The following PATL1 variants were observed in gnomAD, a reference collection of about 807,000 sequenced individuals.
PATL1 encodes the protein PAT1 homolog 1, processing body mRNA decay factor.
In PATL1, 32 loss-of-function variants were observed where a neutral mutation model predicts 100.6. That is an observed-to-expected ratio of 0.32 (90% confidence interval 0.24 to 0.43). The LOEUF (loss-of-function observed/expected upper bound fraction) is 0.43, where lower values mean the gene tolerates loss of function less well. Ranked by LOEUF, PATL1 falls within the 20% of genes least tolerant of loss-of-function variation. The pLI, the probability that PATL1 is intolerant of heterozygous loss-of-function variation, is 1.00. For synonymous variants in PATL1, 332 were observed against 330.0 expected, an observed-to-expected ratio of 1.01 and a Z score of -0.07; for missense variants, 747 against 949.9, an observed-to-expected ratio of 0.79 and a Z score of 2.81.
At position 59,654,091 on chromosome 11, in the gene PATL1, A is replaced by T; in HGVS notation, c.1032-19T>A. 1 of 1,596,174 alleles carries T rather than the reference A, an allele frequency of 6.3e-7. No individual in the cohort carries two copies. On this transcript the variant is annotated intron_variant, in intron 8 of 18. Coordinates refer to ENST00000300146, the MANE Select transcript of PATL1 (RefSeq NM_152716.3). ...CTGAGATCTAAGAAAAACGGAAAAG[A>T]GGTTCTCAGTTTGGTCATCCTGATG...
rs998266350 is a variant in PATL1, at chr11:59,637,083, G to A, written c.*1307C>T. On this transcript the variant is annotated 3_prime_UTR_variant, in exon 19 of 19. Coordinates refer to ENST00000300146, the MANE Select transcript of PATL1 (RefSeq NM_152716.3). ...TTATTCTCTTTAAATACCATAACCT[G>A]TCCCTCCCACCCCCCAACTACATTC... 6.6e-6 allele frequency: 1 copy of A among 152,604 alleles called. No individual in the cohort carries two copies. Among genetic ancestry groups the A allele is most frequent in the African/African-American group, 2.4e-5 (1 of 41,430 alleles). 9.5% of individuals were successfully genotyped at this position (152,604 alleles called of 1,614,324 possible).
intron 18 of PATL1, 129 bp downstream of exon 18, chr11:59,638,919 G>C (rs2134733641): frequency 1.9e-6 from 2 of 1,056,000 alleles, no homozygotes; most frequent in Non-Finnish European, 2.7e-6. Flanking sequence ...CTGGCCTCAA[G>C]TGATCCACCC....
Position 59,655,746 on chromosome 11 carries a change from A to G in PATL1, c.814-6T>C. Reference sequence around the variant, plus strand: ...GACATCCGTCCAGGCTGTAGCTACAAAGAGGAAGAAGATCTTAGATTTAGA... The same window carrying G: ...GACATCCGTCCAGGCTGTAGCTACAGAGAGGAAGAAGATCTTAGATTTAGA... On this transcript the variant is annotated splice_region_variant and splice_polypyrimidine_tract_variant and intron_variant, in intron 7 of 18. Transcript: ENST00000300146. 4.4e-6 allele frequency: 7 copies of G among 1,574,514 alleles called. No homozygotes were observed. Among genetic ancestry groups the G allele is most frequent in the Non-Finnish European group, 6.0e-6 (7 of 1,158,704 alleles).
intron 11 of PATL1, 39 bp from the exon 12 acceptor site, chr11:59,651,680 A>AAAG: frequency 7.3e-7 from 1 of 1,362,888 alleles, no homozygotes; most frequent in Non-Finnish European, 1.0e-6. Flanking sequence ...AACAAAATAA[A>AAAG]AAGTCAGCAA....
chr11:59,666,761 G>A lies in PATL1; in HGVS notation c.127+92C>T, dbSNP rs1330009855. On this transcript the variant is annotated intron_variant, in intron 2 of 18. Transcript: ENST00000300146. ...ATATCTTGCCAAGTTAGTGAATAAG[G>A]TTACCCCTAATAAGATAAAGCACTT... 9 of 1,320,744 alleles carry A rather than the reference G, an allele frequency of 6.8e-6. No individual in the cohort carries two copies. The African/African-American group carries it at 1.4e-4, about 20-fold the overall frequency. 81.8% of individuals were successfully genotyped at this position (1,320,744 alleles called of 1,614,324 possible). A position where few individuals can be genotyped will look rare whatever the true frequency, so the allele number is the denominator to read the frequency against.
At chr11:59,663,220 C>T (rs771511553) in intron 2 of PATL1, among the ~76,000 whole-genome samples, 1 of 151,758 alleles carries the variant, frequency 6.6e-6, no homozygotes, top group Non-Finnish European at 1.5e-5. Context: ...AACGAACTAA[C>T]CTATACTCTG....
At chr11:59,645,909 T>C (rs1388406370) in intron 15 of PATL1, among the ~76,000 whole-genome samples, 1 of 152,136 alleles carries the variant, frequency 6.6e-6, no homozygotes, top group East Asian at 1.9e-4. Flanking sequence ...AAGAAAATGG[T>C]ATTTAGAGAT....
In PATL1 at chr11:59,636,840, T is replaced by C. The variant is rs1428373912; in HGVS notation, c.*1550A>G. On this transcript the variant is annotated 3_prime_UTR_variant, in exon 19 of 19. Transcript: ENST00000300146. ...ATAAAGCACAGTAAGGAAGAGATAA[T>C]AATCAAGTATTCACTTGATTGGTTG... The C allele has an allele frequency of 1.3e-5, 2 of 152,570 alleles. No homozygotes were observed. Among genetic ancestry groups the C allele is most frequent in the Non-Finnish European group, 2.9e-5 (2 of 68,032 alleles). The allele number at this position is 152,570 out of a possible 1,614,324, so 9.5% of individuals were successfully genotyped here.
At chr11:59,645,232 T>C (rs1221738164) in intron 15 of PATL1, among the ~76,000 whole-genome samples, 18 of 106,218 alleles carry the variant, frequency 1.7e-4, no homozygotes, top group African/African-American at 6.0e-4. Context: ...TCCCCACCTT[T>C]CCCCCCTTTC....
At position 59,656,858 on chromosome 11, in the gene PATL1, T is replaced by C. The variant is rs903200013; in HGVS notation, c.622-258A>G. Among the ~76,000 whole-genome samples the C allele has an allele frequency of 2.0e-5, 3 of 152,204 alleles. No homozygotes were observed. In the South Asian group the frequency reaches 6.2e-4, roughly 32 times the overall value. ...ACCCTTCCATGCTGTCTGAGGGAGA[T>C]ACCAGCAGATATTCTGACTTGCAAA... On this transcript the variant is annotated intron_variant, in intron 5 of 18. Coordinates refer to ENST00000300146, the MANE Select transcript of PATL1 (RefSeq NM_152716.3).
At chr11:59,640,580 C>T (rs1286908260) in intron 16 of PATL1, among the ~76,000 whole-genome samples, 5 of 151,622 alleles carry the variant, frequency 3.3e-5, no homozygotes, top group South Asian at 2.1e-4. Context: ...ATTAGCCAGG[C>T]GTGGTGGCGG....
chr11:59,651,775 A>C, intron 11 of PATL1, 134 bp from the exon 12 acceptor site: 1 of 646,862 alleles, frequency 1.5e-6, no homozygotes. Flanking sequence ...AACTCAATGT[A>C]TCATTTAGGC....
At chr11:59,660,004 GAATT>G (rs1347287281) in intron 2 of PATL1, among the ~76,000 whole-genome samples, 1 of 152,124 alleles carries the variant, frequency 6.6e-6, no homozygotes, top group Non-Finnish European at 1.5e-5. Context: ...TCAAACATGT[GAATT>G]AATAGCTTAA....
chr11:59,659,537 G>GTTTTT, intron 2 of PATL1, 68 bp from the exon 3 acceptor site: 1 of 1,129,534 alleles, frequency 8.9e-7, no homozygotes, highest in Non-Finnish European at 1.2e-6. Context: ...CACAATTATT[G>GTTTTT]TTTTTTTTTT....
intron 5 of PATL1, 84 bp downstream of exon 5, chr11:59,657,446 C>G (rs550830698): frequency 1.6e-6 from 2 of 1,275,406 alleles, no homozygotes; most frequent in East Asian, 5.0e-5. Context: ...AAATTTCCAC[C>G]CTCCACCCAA....
Position 59,652,944 on chromosome 11 carries a change from T to C in PATL1, c.1196A>G (p.Asp399Gly). 2 of 1,613,972 alleles carry C rather than the reference T, an allele frequency of 1.2e-6. No homozygotes were observed. Among genetic ancestry groups the C allele is most frequent in the African/African-American group, 1.3e-5 (1 of 75,034 alleles). ...RSSHQDHLRKDPYANLMLQRE... is the reference protein window; with the variant it reads ...RSSHQDHLRKGPYANLMLQRE... Reference sequence around the variant, plus strand: ...CTGCAACATGAGATTGGCATATGGATCCTTTCGGAGATGATCTTGATGACT... The same window carrying C: ...CTGCAACATGAGATTGGCATATGGACCCTTTCGGAGATGATCTTGATGACT... The change falls in exon 10 of 19, where the codon GAT becomes GGT. Residue 399 changes from aspartate to glycine, a missense_variant. Physicochemically the swap from Asp to Gly is moderately conservative, Grantham distance 94. This residue lies in a region of PATL1 where 434 missense variants were observed against 596.1 expected (regional missense o/e 0.73). Coordinates refer to ENST00000300146, the MANE Select transcript of PATL1 (RefSeq NM_152716.3).
intron 12 of PATL1, 67 bp from the exon 13 acceptor site, chr11:59,650,880 T>C (rs1861434759): frequency 9.2e-7 from 1 of 1,090,870 alleles, no homozygotes; most frequent in African/African-American, 1.6e-5. Flanking sequence ...CAAGTGCGCA[T>C]TTGTAGGTTC....
chr11:59,643,145 A>C (rs1861311595), intron 15 of PATL1, 110 bp from the exon 16 acceptor site: 1 of 1,175,152 alleles, frequency 8.5e-7, no homozygotes, highest in Non-Finnish European at 1.2e-6. Context: ...CACTTAAGGC[A>C]CAAGTCTGGC....
intron 4 of PATL1, among the ~76,000 whole-genome samples, chr11:59,658,265 C>T (rs555537541): frequency 2.2e-4 from 33 of 152,038 alleles, no homozygotes; most frequent in Non-Finnish European, 4.3e-4. Context: ...CTGCCATGTC[C>T]AACCACTAGT....
Sources: allele counts gnomAD v4.1 joint callset (sites outside exome capture counted in the v4.1 genomes callset), GRCh38; gene constraint gnomAD v4.1.1; regional missense constraint gnomAD v4.1.1; transcripts MANE v1.5; gene names NCBI Gene and HGNC (gene_info 2026-07-23, HGNC 2026-07-21).